Variants in LOC102723971 observed in about 807,000 individuals in gnomAD.
At chr9:135,619,526 C>T in the LOC102723971 span, among the ~76,000 whole-genome samples, 4 of 152,078 alleles carry the variant, frequency 2.6e-5, no homozygotes, top group East Asian at 1.9e-4. Flanking sequence ...CTCCATGCTC[C>T]GTGAGCAAAC....
the LOC102723971 span, among the ~76,000 whole-genome samples, chr9:135,616,230 A>C: frequency 6.6e-6 from 1 of 152,184 alleles, no homozygotes; most frequent in Non-Finnish European, 1.5e-5. Context: ...GGACAGTCAG[A>C]GTCCCAGTCC....
chr9:135,615,475 C>T, the LOC102723971 span: 1 of 398,576 alleles, frequency 2.5e-6, no homozygotes, highest in East Asian at 3.6e-5. Context: ...ACGGCGGGGA[C>T]GTGGACTTCG....
chr9:135,617,338 T>C, the LOC102723971 span, among the ~76,000 whole-genome samples: 8 of 152,082 alleles, frequency 5.3e-5, no homozygotes, highest in African/African-American at 1.9e-4. Context: ...ACCTTCCTTG[T>C]CTTCCTCCTT....
At chr9:135,617,693 CGTG>C in the LOC102723971 span, among the ~76,000 whole-genome samples, 10 of 152,122 alleles carry the variant, frequency 6.6e-5, no homozygotes, top group African/African-American at 2.4e-4. Flanking sequence ...TTTTACCTGC[CGTG>C]CTCAGAACAG....
At chr9:135,617,252 G>A in the LOC102723971 span, among the ~76,000 whole-genome samples, 1 of 152,216 alleles carries the variant, frequency 6.6e-6, no homozygotes, top group Non-Finnish European at 1.5e-5. Context: ...GTGCACTGCG[G>A]GCCTGCTACA....
At chr9:135,615,517 G>A in the LOC102723971 span, 2,277 of 398,724 alleles carry the variant, frequency 5.7e-3, 10 homozygotes, top group Non-Finnish European at 7.2e-3. Flanking sequence ...GGCTCCTGCC[G>A]CCCCTCTCAG....
the LOC102723971 span, chr9:135,615,443 C>T: frequency 2.5e-6 from 1 of 398,844 alleles, no homozygotes; most frequent in Non-Finnish European, 4.4e-6. Context: ...GAGGCTCGCT[C>T]TCCACTCCAT....
the LOC102723971 span, among the ~76,000 whole-genome samples, chr9:135,614,680 A>C: frequency 1.3e-5 from 2 of 152,164 alleles, no homozygotes; most frequent in Non-Finnish European, 2.9e-5. Context: ...CACTGGGCCC[A>C]GGCAGGGAGC....
chr9:135,617,785 G>A, the LOC102723971 span, among the ~76,000 whole-genome samples: 33,035 of 152,116 alleles, frequency 0.22, 3,779 homozygotes, highest in East Asian at 0.32. Context: ...AGGGGGTGCT[G>A]CCGTGGTCCG....
chr9:135,617,760 C>A, the LOC102723971 span, among the ~76,000 whole-genome samples: 1 of 152,142 alleles, frequency 6.6e-6, no homozygotes, highest in South Asian at 2.1e-4. Context: ...GCTGGCCGGG[C>A]CTGGGAGGTC....
At chr9:135,618,337 C>T in the LOC102723971 span, among the ~76,000 whole-genome samples, 1 of 152,136 alleles carries the variant, frequency 6.6e-6, no homozygotes, top group South Asian at 2.1e-4. Context: ...TCTCCAGCCT[C>T]CTGAGCCAAG....
chr9:135,614,422 A>C, the LOC102723971 span: 3 of 221,588 alleles, frequency 1.4e-5, no homozygotes, highest in East Asian at 7.6e-5. Flanking sequence ...GAGGAGGTGC[A>C]GGGGGTGGGG....
chr9:135,619,668 G>A, the LOC102723971 span, among the ~76,000 whole-genome samples: 4 of 152,188 alleles, frequency 2.6e-5, no homozygotes, highest in East Asian at 3.9e-4. Context: ...ACCAGCCAAC[G>A]CCCACTCCTC....
chr9:135,614,930 A>C, the LOC102723971 span, among the ~76,000 whole-genome samples: 1 of 152,084 alleles, frequency 6.6e-6, no homozygotes, highest in East Asian at 1.9e-4. Context: ...TGCAGGGCTG[A>C]GGGAAGTGGG....
chr9:135,617,212 C>G, the LOC102723971 span, among the ~76,000 whole-genome samples: 1 of 152,194 alleles, frequency 6.6e-6, no homozygotes, highest in Non-Finnish European at 1.5e-5. Context: ...CCGACACATG[C>G]CCCTCAGGGA....
At chr9:135,618,057 C>A in the LOC102723971 span, 4 of 398,566 alleles carry the variant, frequency 1.0e-5, no homozygotes, top group Non-Finnish European at 1.8e-5. Flanking sequence ...GAGCACTGTC[C>A]CCCAGCCACA....
At chr9:135,615,074 G>A in the LOC102723971 span, among the ~76,000 whole-genome samples, 8 of 152,194 alleles carry the variant, frequency 5.3e-5, no homozygotes, top group Non-Finnish European at 1.2e-4. Context: ...GACCAGGAAG[G>A]GGGAACGTTT....
At chr9:135,617,396 C>T in the LOC102723971 span, among the ~76,000 whole-genome samples, 3 of 152,140 alleles carry the variant, frequency 2.0e-5, no homozygotes, top group African/African-American at 4.8e-5. Flanking sequence ...AGTAAAAGCA[C>T]CATGAGAGAA....
At chr9:135,614,964 G>C in the LOC102723971 span, among the ~76,000 whole-genome samples, 4 of 152,188 alleles carry the variant, frequency 2.6e-5, no homozygotes, top group East Asian at 7.7e-4. Flanking sequence ...GAAGGGGACT[G>C]GACAGAGACC....
Sources: gnomAD v4.1 joint callset for allele counts (sites outside exome capture counted in the v4.1 genomes callset) on GRCh38, gnomAD v4.1.1 for gene constraint, MANE v1.5 for transcripts.